The following NAALADL2 variants were observed in gnomAD, a reference collection of about 807,000 sequenced individuals.
NAALADL2 encodes the protein inactive N-acetylated-alpha-linked acidic dipeptidase-like protein 2.
A neutral mutation model predicts 87.2 loss-of-function variants in NAALADL2; 76 were observed. The ratio of observed to expected loss-of-function variants is 0.87; its 90% CI spans 0.72 to 1.05. The LOEUF (loss-of-function observed/expected upper bound fraction) is 1.05, where lower values mean the gene tolerates loss of function less well. Among genes scored for constraint, NAALADL2 ranks in the 50% least tolerant of loss-of-function variants. The probability of loss-of-function intolerance (pLI) is 0.00; values close to 1 mark genes in which losing one functional copy is unlikely to be tolerated. For missense variants in NAALADL2, 1,089 were observed against 945.8 expected, an observed-to-expected ratio of 1.15 and a Z score of -1.99; for synonymous variants, 354 against 331.0, an observed-to-expected ratio of 1.07 and a Z score of -0.75.
chr3:174,485,504 T>C lies in NAALADL2; in HGVS notation c.-184+44472T>C, dbSNP rs1234324207. Reference sequence around the variant, plus strand: ...TGTTGTTTCCCTCTATGTGTTCATATGTTCTCATCATTTAGTTCCCACTTA... The same window carrying C: ...TGTTGTTTCCCTCTATGTGTTCATACGTTCTCATCATTTAGTTCCCACTTA... On this transcript the variant is annotated intron_variant, in intron 1 of 3. Transcript: ENST00000434257. Among the ~76,000 whole-genome samples, 6 of 151,826 alleles carry C rather than the reference T, an allele frequency of 4.0e-5. No homozygotes were observed. The Admixed American group carries it at 4.0e-4, about 10-fold the overall frequency.
intron 1 of NAALADL2, among the ~76,000 whole-genome samples, chr3:175,080,721 G>T (rs1717633041): frequency 6.6e-6 from 1 of 152,126 alleles, no homozygotes; most frequent in Non-Finnish European, 1.5e-5. Context: ...TCAATACCTT[G>T]GAAATCCTAT....
At chr3:174,677,758 G>T (rs2108817596) in intron 2 of NAALADL2, among the ~76,000 whole-genome samples, 1 of 152,038 alleles carries the variant, frequency 6.6e-6, no homozygotes, top group African/African-American at 2.4e-5. Context: ...ATGCCTGAAT[G>T]AAGCTTATCT....
At chr3:174,794,981 C>G (rs1286429317) in intron 3 of NAALADL2, among the ~76,000 whole-genome samples, 1 of 66,696 alleles carries the variant, frequency 1.5e-5, no homozygotes, top group Non-Finnish European at 2.8e-5. Context: ...TCTAGTCCAG[C>G]TTTTTTTTTT....
At chr3:175,699,264 A>G (rs932668865) in intron 11 of NAALADL2, among the ~76,000 whole-genome samples, 1 of 151,922 alleles carries the variant, frequency 6.6e-6, no homozygotes. Flanking sequence ...ATAAATCTTA[A>G]TACAAAGCAC....
chr3:175,502,341 A>G (rs1729672083), intron 9 of NAALADL2, among the ~76,000 whole-genome samples: 1 of 151,916 alleles, frequency 6.6e-6, no homozygotes, highest in Non-Finnish European at 1.5e-5. Context: ...TAATGTATGT[A>G]ACCCTCATGC....
chr3:174,997,138 T>A (rs963703395), intron 1 of NAALADL2, among the ~76,000 whole-genome samples: 1 of 151,888 alleles, frequency 6.6e-6, no homozygotes, highest in Admixed American at 6.6e-5. Context: ...TGTGCAGCTA[T>A]AAATGTGTGT....
intron 13 of NAALADL2, among the ~76,000 whole-genome samples, chr3:175,771,119 T>C (rs1211081761): frequency 6.6e-6 from 1 of 152,204 alleles, no homozygotes; most frequent in Non-Finnish European, 1.5e-5. Context: ...TGCTTCATTT[T>C]ATTTCAGAAA....
intron 2 of NAALADL2, among the ~76,000 whole-genome samples, chr3:175,216,800 C>G (rs564888011): frequency 4.8e-4 from 72 of 151,410 alleles, no homozygotes; most frequent in African/African-American, 1.7e-3. Context: ...TCCTGAGTAC[C>G]TGGGATTACG....
intron 2 of NAALADL2, among the ~76,000 whole-genome samples, chr3:175,142,535 C>T (rs751954842): frequency 3.3e-5 from 5 of 151,948 alleles, no homozygotes; most frequent in Admixed American, 1.3e-4. Flanking sequence ...TCCTAAAGAG[C>T]AGGACTCAGA....
At chr3:175,383,250 C>G (rs1213916976) in intron 5 of NAALADL2, among the ~76,000 whole-genome samples, 1 of 151,850 alleles carries the variant, frequency 6.6e-6, no homozygotes, top group Non-Finnish European at 1.5e-5. Flanking sequence ...TATAGTCATC[C>G]CTATTGTGCT....
intron 1 of NAALADL2, among the ~76,000 whole-genome samples, chr3:174,976,209 C>T (rs1378040657): frequency 6.6e-6 from 1 of 151,958 alleles, no homozygotes; most frequent in Non-Finnish European, 1.5e-5. Context: ...AGCAGTTTTG[C>T]AAAATGATTA....
intron 2 of NAALADL2, among the ~76,000 whole-genome samples, chr3:174,674,348 G>C (rs1199702452): frequency 6.6e-6 from 1 of 151,932 alleles, no homozygotes; most frequent in Non-Finnish European, 1.5e-5. Flanking sequence ...ATTTAGTGGG[G>C]ATGCAGATCC....
In NAALADL2 at chr3:175,462,399, A is replaced by G. The variant is rs182783690; in HGVS notation, c.1235-1002A>G. On this transcript the variant is annotated intron_variant, in intron 6 of 13. Coordinates refer to ENST00000454872, the MANE Select transcript of NAALADL2 (RefSeq NM_207015.3). ...TACTTTTGTTTTGGTTATTATTTTAATGGATTCAGTATACGGATTTTCCAT... is the reference window on the plus strand; with the variant it reads ...TACTTTTGTTTTGGTTATTATTTTAGTGGATTCAGTATACGGATTTTCCAT... 5.9e-5 allele frequency among the ~76,000 whole-genome samples: 9 copies of G among 152,282 alleles called. No individual in the cohort carries two copies. In the East Asian group the frequency reaches 1.7e-3, roughly 29 times the overall value.
chr3:174,791,939 T>C (rs1717503864), intron 3 of NAALADL2, among the ~76,000 whole-genome samples: 1 of 152,156 alleles, frequency 6.6e-6, no homozygotes, highest in Non-Finnish European at 1.5e-5. Flanking sequence ...TGGCCAGGTA[T>C]GGCTGACACC....
At chr3:174,975,392 A>T (rs994534272) in intron 1 of NAALADL2, among the ~76,000 whole-genome samples, 8 of 152,352 alleles carry the variant, frequency 5.3e-5, no homozygotes, top group African/African-American at 1.9e-4. Flanking sequence ...CAAATAAGAC[A>T]GAATTGTCAT....
At chr3:174,854,516 A>T (rs1364553799), upstream of NAALADL2, among the ~76,000 whole-genome samples, 1 of 152,168 alleles carries the variant, frequency 6.6e-6, no homozygotes, top group African/African-American at 2.4e-5. Context: ...GTACATTTCA[A>T]AATCATTAAG....
intron 9 of NAALADL2, among the ~76,000 whole-genome samples, chr3:175,502,824 C>T (rs190345288): frequency 6.4e-4 from 98 of 152,134 alleles, no homozygotes; most frequent in Non-Finnish European, 1.1e-3. Flanking sequence ...AATTTTGCCT[C>T]ATGAATTATA....
At position 175,048,597 on chromosome 3, in the gene NAALADL2, C is replaced by T. The variant is rs553951372; in HGVS notation, c.44-48193C>T. Reference sequence around the variant, plus strand: ...ATTGTTCTGGTTAGACTTGAAGTAGCATTTCTCAGGAACCATTTATGCATC... The same window carrying T: ...ATTGTTCTGGTTAGACTTGAAGTAGTATTTCTCAGGAACCATTTATGCATC... On this transcript the variant is annotated intron_variant, in intron 1 of 13. Coordinates refer to ENST00000454872, the MANE Select transcript of NAALADL2 (RefSeq NM_207015.3). Among the ~76,000 whole-genome samples the T allele has an allele frequency of 2.7e-5, 4 of 150,892 alleles. No homozygotes were observed. The East Asian group carries it at 5.8e-4, about 22-fold the overall frequency.
At chr3:174,828,126 A>G (rs1722204189) in intron 3 of NAALADL2, among the ~76,000 whole-genome samples, 1 of 151,874 alleles carries the variant, frequency 6.6e-6, no homozygotes. Flanking sequence ...ACTGCTCTCC[A>G]GTCTGGTGAC....
Sources: gnomAD v4.1 joint callset for allele counts (sites outside exome capture counted in the v4.1 genomes callset) on GRCh38, gnomAD v4.1.1 for gene constraint, MANE v1.5 for transcripts, NCBI Gene and HGNC (gene_info 2026-07-23, HGNC 2026-07-21) for gene names.